PPP2R2B: variants seen among roughly 807,000 people sequenced by gnomAD.
The protein encoded by PPP2R2B is serine/threonine-protein phosphatase 2A 55 kDa regulatory subunit B beta isoform.
In PPP2R2B, 5 loss-of-function variants were observed where a neutral mutation model predicts 46.0. The observed-to-expected ratio is 0.11, with a 90% CI of 0.06 to 0.23. The LOEUF is 0.23. PPP2R2B is among the 10% of genes least tolerant of loss of function. The pLI is 1.00. For synonymous variants in PPP2R2B, 215 were observed against 206.7 expected (o/e 1.04, Z -0.34); for missense variants, 367 against 575.0 (o/e 0.64, Z 3.70).
chr5:146,937,693 T>G (rs2151826994), intron 1 of PPP2R2B, among the ~76,000 whole-genome samples: 1 of 152,140 alleles, frequency 6.6e-6, no homozygotes, highest in Admixed American at 6.6e-5. Context: ...TCACGGAGGC[T>G]TAGAGAACAG....
chr5:146,954,762 G>A (rs1246421310), intron 1 of PPP2R2B, among the ~76,000 whole-genome samples: 2 of 150,864 alleles, frequency 1.3e-5, no homozygotes, highest in African/African-American at 4.9e-5. Flanking sequence ...ATATATGTGT[G>A]TGTGTGTGTG....
intron 1 of PPP2R2B, among the ~76,000 whole-genome samples, chr5:146,954,013 T>C (rs1414799768): frequency 6.6e-6 from 1 of 152,120 alleles, no homozygotes; most frequent in Non-Finnish European, 1.5e-5. Context: ...TTGGTATCTG[T>C]GAGGTAGACT....
chr5:147,059,530 G>GGAGA (rs924327515), upstream of PPP2R2B, among the ~76,000 whole-genome samples: 6 of 152,104 alleles, frequency 3.9e-5, no homozygotes, highest in African/African-American at 1.4e-4. Flanking sequence ...GTTTCTGGAG[G>GGAGA]GAGAGCTCAA....
intron 2 of PPP2R2B, among the ~76,000 whole-genome samples, chr5:146,715,853 C>G (rs975221459): frequency 6.6e-6 from 1 of 152,006 alleles, no homozygotes; most frequent in Non-Finnish European, 1.5e-5. Flanking sequence ...ATCTTTCACT[C>G]ACAGTTGTAG....
chr5:146,939,120 C>A (rs747369242), intron 1 of PPP2R2B, among the ~76,000 whole-genome samples: 1 of 152,064 alleles, frequency 6.6e-6, no homozygotes, highest in Non-Finnish European at 1.5e-5. Flanking sequence ...GCTCCTGAAT[C>A]TTTCCTGTCT....
chr5:147,001,898 G>A (rs1337167397), intron 1 of PPP2R2B, among the ~76,000 whole-genome samples: 3 of 152,064 alleles, frequency 2.0e-5, no homozygotes, highest in African/African-American at 7.2e-5. Context: ...GTACTTCTGG[G>A]CTGAGCCAAG....
intron 8 of PPP2R2B, among the ~76,000 whole-genome samples, chr5:146,593,597 G>T (rs1190654528): frequency 6.6e-6 from 1 of 152,174 alleles, no homozygotes; most frequent in Non-Finnish European, 1.5e-5. Flanking sequence ...TTTATACAGG[G>T]CAAGTAGTCA....
chr5:146,925,140 G>T (rs1763739315), intron 1 of PPP2R2B, among the ~76,000 whole-genome samples: 1 of 152,022 alleles, frequency 6.6e-6, no homozygotes, highest in South Asian at 2.1e-4. Context: ...TAAAATTATT[G>T]TTTCACACAG....
intron 5 of PPP2R2B, among the ~76,000 whole-genome samples, chr5:146,661,947 G>A (rs1776702440): frequency 6.6e-6 from 1 of 152,160 alleles, no homozygotes; most frequent in South Asian, 2.1e-4. Flanking sequence ...TTATAGCTGG[G>A]GAGAGTGGGA....
At chr5:146,622,467 C>G (rs1010264400) in intron 7 of PPP2R2B, among the ~76,000 whole-genome samples, 1 of 152,158 alleles carries the variant, frequency 6.6e-6, no homozygotes, top group African/African-American at 2.4e-5. Flanking sequence ...CACTATTGAC[C>G]ACTATGATAT....
chr5:146,695,998 C>A (rs1376543463), intron 4 of PPP2R2B, among the ~76,000 whole-genome samples: 2 of 152,058 alleles, frequency 1.3e-5, no homozygotes, highest in East Asian at 3.9e-4. Flanking sequence ...AATCAAAAAA[C>A]TATTTAAAAA....
chr5:146,657,611 G>C (rs1776418910), intron 5 of PPP2R2B, among the ~76,000 whole-genome samples: 1 of 152,142 alleles, frequency 6.6e-6, no homozygotes, highest in African/African-American at 2.4e-5. Context: ...GCAAAAGAAA[G>C]ATATAGAAAA....
intron 6 of PPP2R2B, among the ~76,000 whole-genome samples, chr5:146,648,137 T>C (rs1025044055): frequency 6.6e-6 from 1 of 152,224 alleles, no homozygotes; most frequent in South Asian, 2.1e-4. Flanking sequence ...GTTAGCCATG[T>C]GGCTGAATTC....
chr5:146,987,451 T>G (rs1317890705), intron 1 of PPP2R2B, among the ~76,000 whole-genome samples: 1 of 152,066 alleles, frequency 6.6e-6, no homozygotes, highest in Non-Finnish European at 1.5e-5. Context: ...TATAAAAAGA[T>G]GTAAACTGAA....
intron 1 of PPP2R2B, among the ~76,000 whole-genome samples, chr5:146,963,174 T>C (rs1314424500): frequency 3.3e-5 from 5 of 152,214 alleles, no homozygotes; most frequent in Non-Finnish European, 4.4e-5. Context: ...TACAACTCTC[T>C]GTGGTGGTTA....
chr5:146,590,552 A>G (rs1770531872), intron 9 of PPP2R2B, among the ~76,000 whole-genome samples: 1 of 152,006 alleles, frequency 6.6e-6, no homozygotes, highest in Admixed American at 6.5e-5. Flanking sequence ...GGTTTTAATG[A>G]TCCCAGTCCT....
At chr5:146,853,574 G>A (rs1760475763) in intron 2 of PPP2R2B, among the ~76,000 whole-genome samples, 1 of 152,142 alleles carries the variant, frequency 6.6e-6, no homozygotes, top group East Asian at 1.9e-4. Context: ...CTCAAAAGGT[G>A]ATTTCAAAAC....
In PPP2R2B at chr5:146,811,727, ATT is replaced by A. The variant is rs1163716544; in HGVS notation, c.70+66273_70+66274del. The stretch of plus-strand genomic sequence containing the variant: ...AGGCGCCCACCACCACGCCCGGCTA[ATT>A]TTTTTTTTTTTTTTTTTTCAGTAGA... On this transcript the variant is annotated intron_variant, in intron 2 of 9. Coordinates refer to ENST00000394411, the MANE Select transcript of PPP2R2B (RefSeq NM_181675.4). 5.1e-3 allele frequency among the ~76,000 whole-genome samples: 623 copies of A among 121,212 alleles called. 5 individuals carry two copies. Among genetic ancestry groups the A allele is most frequent in the African/African-American group, 0.018 (586 of 32,028 alleles). 79.5% of individuals were successfully genotyped at this position (121,212 alleles called of 152,430 possible). A position where few individuals can be genotyped will look rare whatever the true frequency, so the allele number is the denominator to read the frequency against.
At position 146,585,156 on chromosome 5, in the gene PPP2R2B, G is replaced by A. The variant is rs1770079774; in HGVS notation, c.*4791C>T. The A allele has an allele frequency of 6.6e-6, 1 of 151,938 alleles. No individual in the cohort carries two copies. Among genetic ancestry groups the A allele is most frequent in the South Asian group, 2.1e-4 (1 of 4,810 alleles). 9.4% of individuals were successfully genotyped at this position (151,938 alleles called of 1,614,324 possible). A position where few individuals can be genotyped will look rare whatever the true frequency, so the allele number is the denominator to read the frequency against. ...AACTCCAGCCCCTTGTCTAGAACCT[G>A]GCTGCCTGACACATCCCAGGCAACC... On this transcript the variant is annotated 3_prime_UTR_variant, in exon 10 of 10. Transcript: ENST00000394411.
Sources: allele counts gnomAD v4.1 joint callset (sites outside exome capture counted in the v4.1 genomes callset), GRCh38; gene constraint gnomAD v4.1.1; transcripts MANE v1.5; gene names NCBI Gene and HGNC (gene_info 2026-07-23, HGNC 2026-07-21).